The following CTNND1 variants were observed in gnomAD, a reference collection of about 807,000 sequenced individuals.
CTNND1 encodes the protein catenin delta 1, also known as catenin delta-1.
A neutral mutation model predicts 112.1 loss-of-function variants in CTNND1; 16 were observed. The ratio of observed to expected loss-of-function variants is 0.14; its 90% CI spans 0.10 to 0.22. The LOEUF (loss-of-function observed/expected upper bound fraction) is 0.22. Among genes scored for constraint, CTNND1 ranks in the 10% least tolerant of loss-of-function variants. CTNND1 has a pLI of 1.00. For synonymous variants in CTNND1, 420 were observed against 446.5 expected (o/e 0.94, Z 0.75); for missense variants, 1,008 against 1,257.0 (o/e 0.80, Z 3.00).
Position 57,805,827 on chromosome 11 carries a change from T to A in CTNND1, c.1723-55T>A, listed in dbSNP as rs561766743. 1.0e-5 allele frequency: 16 copies of A among 1,574,876 alleles called. No individual in the cohort carries two copies. In the East Asian group the frequency reaches 3.4e-4, roughly 33 times the overall value. On this transcript the variant is annotated intron_variant, in intron 9 of 20. Coordinates refer to ENST00000399050, the MANE Select transcript of CTNND1 (RefSeq NM_001085458.2). ...CCTGAGTCATGGAAACCTGTACTTG[T>A]GGAGAAATCACAATAGACATTCTTT...
At chr11:57,810,464 G>T (rs2063202839) in intron 16 of CTNND1, among the ~76,000 whole-genome samples, 1 of 151,972 alleles carries the variant, frequency 6.6e-6, no homozygotes, top group Non-Finnish European at 1.5e-5. Flanking sequence ...CAGTAGCTGG[G>T]ACTACAGGCA....
chr11:57,780,794 G>C (rs2059492590), intron 1 of CTNND1, among the ~76,000 whole-genome samples: 1 of 152,154 alleles, frequency 6.6e-6, no homozygotes, highest in Non-Finnish European at 1.5e-5. Flanking sequence ...TGCCTTATTG[G>C]TCTTTTCAGG....
chr11:57,809,620 A>G lies in CTNND1; in HGVS notation c.2435+154A>G, dbSNP rs1941721. ...TATCTGTCTTAATGTTGATCCATAA[A>G]TTGATAATAGATTCATGTCAAACTT... On this transcript the variant is annotated intron_variant, in intron 15 of 20. Transcript: ENST00000399050. Among the ~76,000 whole-genome samples the G allele has an allele frequency of 9.2e-3, 1,399 of 152,376 alleles. 25 individuals are homozygous for G. Among genetic ancestry groups the G allele is most frequent in the African/African-American group, 0.032 (1,346 of 41,580 alleles).
Position 57,804,694 on chromosome 11 carries a change from C to T in CTNND1, c.1636C>T (p.Arg546Trp), listed in dbSNP as rs370211216. 14 of 1,613,832 alleles carry T rather than the reference C, an allele frequency of 8.7e-6. No homozygotes were observed. Among genetic ancestry groups the T allele is most frequent in the South Asian group, 1.1e-5 (1 of 91,056 alleles). The change falls in exon 9 of 21, where the codon CGG (arginine) becomes TGG (tryptophan). Residue 546 changes from arginine to tryptophan, a missense_variant. By Grantham distance (101) the Arg-to-Trp change is moderately radical. Transcript: ENST00000399050. ...NVSSERSEAR[R>W]KLRECDGLVD... ...AAGCTCAGAGAGGAGTGAAGCTCGC[C>T]GGAAACTTCGGGAATGTGATGGTTT... is the stretch of plus-strand genomic sequence containing the variant.
chr11:57,774,986 T>C (rs1312912087), intron 1 of CTNND1, among the ~76,000 whole-genome samples: 2 of 151,816 alleles, frequency 1.3e-5, no homozygotes, highest in African/African-American at 2.4e-5. Flanking sequence ...GTGCTGGGAT[T>C]ACAGGTGTGA....
chr11:57,769,181 G>C (rs906420996), intron 1 of CTNND1, among the ~76,000 whole-genome samples: 2 of 151,998 alleles, frequency 1.3e-5, no homozygotes, highest in African/African-American at 2.4e-5. Context: ...TGGGCATGGT[G>C]GTGCATGCCT....
intron 10 of CTNND1, 26 bp downstream of exon 10, chr11:57,806,061 T>A (rs781573307): frequency 1.8e-5 from 28 of 1,597,820 alleles, no homozygotes; most frequent in Non-Finnish European, 2.4e-5. Flanking sequence ...TGTTTCTTAG[T>A]CTTTAATGTG....
chr11:57,772,118 G>C (rs1952827254), intron 1 of CTNND1, among the ~76,000 whole-genome samples: 1 of 142,600 alleles, frequency 7.0e-6, no homozygotes, highest in Non-Finnish European at 1.5e-5. Flanking sequence ...TTTTTGTAGA[G>C]ACAGGGTTTT....
intron 1 of CTNND1, among the ~76,000 whole-genome samples, chr11:57,777,229 A>G (rs1954518616): frequency 6.6e-6 from 1 of 152,018 alleles, no homozygotes; most frequent in African/African-American, 2.4e-5. Context: ...TAGAATGGCT[A>G]TTGTGTATAT....
At chr11:57,798,226 A>C (rs11570198) in intron 6 of CTNND1, among the ~76,000 whole-genome samples, 1,924 of 151,464 alleles carry the variant, frequency 0.013, 47 homozygotes, top group African/African-American at 0.045. Context: ...TCGTGCCTGT[A>C]GTCTCAGCTA....
intron 1 of CTNND1, among the ~76,000 whole-genome samples, chr11:57,785,061 C>T (rs968147149): frequency 6.6e-6 from 1 of 152,104 alleles, no homozygotes; most frequent in African/African-American, 2.4e-5. Context: ...AGACTTGGAC[C>T]CCCAGTCTTT....
At chr11:57,782,889 T>C (rs562648703) in intron 1 of CTNND1, among the ~76,000 whole-genome samples, 1 of 152,362 alleles carries the variant, frequency 6.6e-6, no homozygotes, top group South Asian at 2.1e-4. Context: ...GTGAGCACAG[T>C]CCTTTTAATC....
In CTNND1 at chr11:57,762,066, A is replaced by G. The variant is rs191762743; in HGVS notation, c.-267A>G. The G allele has an allele frequency of 2.2e-3, 2,136 of 985,318 alleles. 2 individuals carry two copies. The highest frequency in any genetic ancestry group is 2.5e-3 in the Non-Finnish European group (2,079 of 829,932). 61.0% of individuals were successfully genotyped at this position (985,318 alleles called of 1,614,324 possible). A position where few individuals can be genotyped will look rare whatever the true frequency, so the allele number is the denominator to read the frequency against. ...TTTGAGGTGTGTGGCTTTTGAAGAA[A>G]ATGTATGTACTGACGGGAAAAGGAG... On this transcript the variant is annotated 5_prime_UTR_variant, in exon 1 of 21. Coordinates refer to ENST00000399050, the MANE Select transcript of CTNND1 (RefSeq NM_001085458.2).
intron 14 of CTNND1, 108 bp from the exon 15 acceptor site, chr11:57,809,166 C>G: frequency 1.3e-6 from 1 of 754,980 alleles, no homozygotes; most frequent in Non-Finnish European, 2.2e-6. Flanking sequence ...GAAGTTGATT[C>G]ATGTGGACAG....
At chr11:57,809,104 A>T (rs929841996) in intron 14 of CTNND1, among the ~76,000 whole-genome samples, 170 bp from the exon 15 acceptor site, 4 of 152,232 alleles carry the variant, frequency 2.6e-5, no homozygotes, top group African/African-American at 9.6e-5. Context: ...CAGTAAATCC[A>T]TGGCTATTTC....
chr11:57,771,060 A>T (rs1367598888), intron 1 of CTNND1, among the ~76,000 whole-genome samples: 2 of 152,138 alleles, frequency 1.3e-5, no homozygotes, highest in East Asian at 3.9e-4. Flanking sequence ...GGCAGGTAAG[A>T]CTACCTAGGC....
chr11:57,809,737 G>A (rs1246951483), intron 15 of CTNND1, among the ~76,000 whole-genome samples: 1 of 152,054 alleles, frequency 6.6e-6, no homozygotes, highest in Non-Finnish European at 1.5e-5. Context: ...GTTTGTTTGA[G>A]GCAGAGTCTC....
In CTNND1 at chr11:57,792,613, G is replaced by A. The variant is rs374537050; in HGVS notation, c.195+940G>A. Among the ~76,000 whole-genome samples the A allele has an allele frequency of 5.9e-5, 9 of 152,164 alleles. No individual in the cohort carries two copies. In the East Asian group the frequency reaches 1.7e-3, roughly 29 times the overall value. On this transcript the variant is annotated intron_variant, in intron 3 of 20. Transcript: ENST00000399050. ...TGGTGCAATCTTGGCTCACTGCAAC[G>A]TTCGCCTCCCGGGTTCAAGCAATTC...
intron 20 of CTNND1, 68 bp downstream of exon 20, chr11:57,816,069 A>G: frequency 7.5e-7 from 1 of 1,329,824 alleles, no homozygotes; most frequent in Non-Finnish European, 1.0e-6. Context: ...GCAACTTGTC[A>G]ATCACGCTAA....
Sources: gnomAD v4.1 joint callset for allele counts (sites outside exome capture counted in the v4.1 genomes callset) on GRCh38, gnomAD v4.1.1 for gene constraint, MANE v1.5 for transcripts, NCBI Gene and HGNC (gene_info 2026-07-23, HGNC 2026-07-21) for gene names.